The following CCRL2 variants were observed in gnomAD, a reference collection of about 807,000 sequenced individuals.
CCRL2 encodes the protein C-C motif chemokine receptor like 2.
For synonymous variants in CCRL2, 181 were observed against 165.6 expected (o/e 1.09, Z -0.71); for missense variants, 451 against 412.4 (o/e 1.09, Z -0.81).
rs1386310404 is a variant in CCRL2, at chr3:46,407,272, A to T, written c.-243A>T. On this transcript the variant is annotated 5_prime_UTR_variant, in exon 1 of 2. Transcript: ENST00000399036. The stretch of plus-strand genomic sequence containing the variant: ...CCGGTTGCTTTCAGACGCTTCAGAG[A>T]TCCTCTGGAGGCCTGGGGGAGCTTT... 5.2e-6 allele frequency: 1 copy of T among 193,488 alleles called. No homozygotes were observed. Among genetic ancestry groups the T allele is most frequent in the African/African-American group, 2.4e-5 (1 of 42,248 alleles). The allele number at this position is 193,488 out of a possible 1,614,324, so 12.0% of individuals were successfully genotyped here.
At position 46,407,433 on chromosome 3, in the gene CCRL2, G is replaced by T; in HGVS notation, c.-82G>T. The T allele has an allele frequency of 1.8e-6, 1 of 550,782 alleles. No individual in the cohort carries two copies. The allele number at this position is 550,782 out of a possible 1,614,324, so 34.1% of individuals were successfully genotyped here. ...AAAAGGAGGGCATCCACTGTCCGGG[G>T]CCATTCCCACAGCTCCCGGATGCTG... On this transcript the variant is annotated 5_prime_UTR_variant, in exon 1 of 2. Transcript: ENST00000399036.
chr3:46,408,286 CA>C lies in CCRL2; in HGVS notation c.210del (p.Lys70AsnfsTer9), dbSNP rs1702079036. ...VLILVKYKGLKRVENIYLLNL... is the reference protein window; with the variant it reads ...VLILVKYKGLXRVENIYLLNL... ...TTATCCTGGTAAAATATAAAGGACT[CA>C]AACGCGTGGAAAATATCTATCTTCT... is the stretch of plus-strand genomic sequence containing the variant. On this transcript the variant is annotated frameshift_variant, in exon 2 of 2. Coordinates refer to ENST00000399036, the MANE Select transcript of CCRL2 (RefSeq NM_003965.5). LOFTEE classifies it low-confidence loss of function (END_TRUNC). 2 of 1,614,076 alleles carry C rather than the reference CA, an allele frequency of 1.2e-6. No homozygotes were observed. The highest frequency in any genetic ancestry group is 2.7e-5 in the African/African-American group (2 of 74,928).
Position 46,408,757 on chromosome 3 carries a change from A to G in CCRL2, c.678A>G (p.Thr226=), listed in dbSNP as rs746876062. Residue 226 remains threonine (T), a synonymous_variant, in exon 2 of 2, where the codon ACA becomes ACG. Transcript: ENST00000399036. Reference sequence around the variant, plus strand: ...TTCTCTATGTGCAAATGAGAAAAACACTAAGGTTCAGGGAGCAGAGGTATA... The same window carrying G: ...TTCTCTATGTGCAAATGAGAAAAACGCTAAGGTTCAGGGAGCAGAGGTATA... ...FTFLYVQMRK[T]LRFREQRYSL... 3 of 1,614,178 alleles carry G rather than the reference A, an allele frequency of 1.9e-6. No homozygotes were observed. In the South Asian group the frequency reaches 3.3e-5, roughly 18 times the overall value.
At chr3:46,407,595 C>A in intron 1 of CCRL2, 93 bp downstream of exon 1, 1 of 1,202,056 alleles carries the variant, frequency 8.3e-7, no homozygotes, top group Non-Finnish European at 1.2e-6. Context: ...TATTTATACC[C>A]TTCGAGAGAA....
intron 1 of CCRL2, chr3:46,407,742 T>C: frequency 1.4e-6 from 2 of 1,422,540 alleles, no homozygotes; most frequent in Non-Finnish European, 1.9e-6. Context: ...TTCTTACATA[T>C]TGTGTTCATG....
chr3:46,407,476 C>T lies in CCRL2; in HGVS notation c.-39C>T, dbSNP rs1702063203. The T allele has an allele frequency of 1.7e-6, 1 of 591,474 alleles. No individual in the cohort carries two copies. The highest frequency in any genetic ancestry group is 3.0e-6 in the Non-Finnish European group (1 of 335,000). 36.6% of individuals were successfully genotyped at this position (591,474 alleles called of 1,614,324 possible). A position where few individuals can be genotyped will look rare whatever the true frequency, so the allele number is the denominator to read the frequency against. ...GGATGCTGGGTCTGGAGGCTGCGCC[C>T]TTCCCCTGCAGGAGCTCAGCCCAGT... On this transcript the variant is annotated 5_prime_UTR_variant, in exon 1 of 2. Transcript: ENST00000399036.
In CCRL2 at chr3:46,408,966, A is replaced by C. The variant is rs368107862; in HGVS notation, c.887A>C (p.Asn296Thr). The C allele has an allele frequency of 6.2e-7, 1 of 1,613,952 alleles. No individual in the cohort carries two copies. Among genetic ancestry groups the C allele is most frequent in the Non-Finnish European group, 8.5e-7 (1 of 1,180,004 alleles). ...ATCGCCACCACCCACTGCTGCATCA[A>C]CCCTCTCCTGTATGCGTTTCTTGAT... is the stretch of plus-strand genomic sequence containing the variant. ...KLIATTHCCI[N>T]PLLYAFLDGT... Residue 296 changes from asparagine (N) to threonine (T), a missense_variant, in exon 2 of 2, where the codon AAC becomes ACC. Transcript: ENST00000399036.
chr3:46,408,030 G>C (rs769033684), intron 1 of CCRL2, 38 bp from the exon 2 acceptor site: 40 of 1,443,924 alleles, frequency 2.8e-5, no homozygotes, highest in Non-Finnish European at 3.3e-5. Context: ...GGATAAGGCA[G>C]CTGTCGGAGG....
chr3:46,407,402 C>G lies in CCRL2; in HGVS notation c.-113C>G, dbSNP rs929375239. The G allele has an allele frequency of 1.0e-5, 5 of 489,812 alleles. No individual in the cohort carries two copies. Among genetic ancestry groups the G allele is most frequent in the Non-Finnish European group, 7.1e-6 (2 of 282,548 alleles). 30.3% of individuals were successfully genotyped at this position (489,812 alleles called of 1,614,324 possible). ...CGTGCCCCTCAGGGTCAGGAGCAGT[C>G]TGATCAAAAGGAGGGCATCCACTGT... On this transcript the variant is annotated 5_prime_UTR_variant, in exon 1 of 2. Transcript: ENST00000399036.
rs778301112 is a variant in CCRL2, at chr3:46,408,232, C to T, written c.153C>T (p.Ile51=). ...VPSLCSAVFV[I]GVLDNLLVVL... ...CACTCTGCTCTGCTGTGTTTGTGAT[C>T]GGTGTCCTGGACAATCTCCTGGTTG... The change falls in exon 2 of 2, where the codon ATC becomes ATT. Residue 51 remains isoleucine, a synonymous_variant. Transcript: ENST00000399036. 16 of 1,614,182 alleles carry T rather than the reference C, an allele frequency of 9.9e-6. No individual in the cohort carries two copies. Among genetic ancestry groups the T allele is most frequent in the Admixed American group, 3.3e-5 (2 of 60,028 alleles).
Position 46,408,583 on chromosome 3 carries a change from G to C in CCRL2, c.504G>C (p.Val168=). The change falls in exon 2 of 2, where the codon GTG becomes GTC. Residue 168 remains valine (V), a synonymous_variant. Transcript: ENST00000399036. Reference sequence around the variant, plus strand: ...TTCTGGCCACTTTGCCTGAATTCGTGGTTTATAAACCTCAGATGGAAGACC... The same window carrying C: ...TTCTGGCCACTTTGCCTGAATTCGTCGTTTATAAACCTCAGATGGAAGACC... The part of the protein sequence containing the change: ...TAILATLPEF[V]VYKPQMEDQK... 1 of 1,614,066 alleles carries C rather than the reference G, an allele frequency of 6.2e-7. No homozygotes were observed. Among genetic ancestry groups the C allele is most frequent in the Non-Finnish European group, 8.5e-7 (1 of 1,179,950 alleles).
Position 46,409,133 on chromosome 3 carries a change from C to G in CCRL2, c.*19C>G, listed in dbSNP as rs754966984. ...AGTGTAAACTAGCATCCACCAAATG[C>G]AAGAAGAATAAACATGGATTTTCAT... On this transcript the variant is annotated 3_prime_UTR_variant, in exon 2 of 2. Coordinates refer to ENST00000399036, the MANE Select transcript of CCRL2 (RefSeq NM_003965.5). The G allele has an allele frequency of 6.4e-7, 1 of 1,561,292 alleles. No individual in the cohort carries two copies. The highest frequency in any genetic ancestry group is 1.4e-5 in the African/African-American group (1 of 73,410).
chr3:46,408,331 CTT>C lies in CCRL2; in HGVS notation c.253_254del (p.Leu85ValfsTer19), dbSNP rs763989715. ...ATCTTCTAAACTTGGCAGTTTCTAA[CTT>C]GTGTTTCTTGCTTACCCTGCCCTTC... is the stretch of plus-strand genomic sequence containing the variant. ...IYLLNLAVSN[L>X]CFLLTLPFWA... is the part of the protein sequence containing the mutation. On this transcript the variant is annotated frameshift_variant, in exon 2 of 2. Coordinates refer to ENST00000399036, the MANE Select transcript of CCRL2 (RefSeq NM_003965.5). LOFTEE classifies it low-confidence loss of function (END_TRUNC). 6.2e-7 allele frequency: 1 copy of C among 1,614,238 alleles called. No individual in the cohort carries two copies. The highest frequency in any genetic ancestry group is 1.1e-5 in the South Asian group (1 of 91,082).
chr3:46,407,654 T>G, intron 1 of CCRL2, 152 bp downstream of exon 1: 2 of 1,529,874 alleles, frequency 1.3e-6, no homozygotes, highest in Non-Finnish European at 1.8e-6. Flanking sequence ...GAGCAAACTT[T>G]TTAAAATGCA....
rs1055675985 is a variant in CCRL2, at chr3:46,407,450, C to T, written c.-65C>T. ...TGTCCGGGGCCATTCCCACAGCTCC[C>T]GGATGCTGGGTCTGGAGGCTGCGCC... On this transcript the variant is annotated 5_prime_UTR_variant, in exon 1 of 2. Transcript: ENST00000399036. 1.1e-5 allele frequency: 6 copies of T among 559,548 alleles called. No homozygotes were observed. Among genetic ancestry groups the T allele is most frequent in the African/African-American group, 4.0e-5 (2 of 50,094 alleles). 34.7% of individuals were successfully genotyped at this position (559,548 alleles called of 1,614,324 possible).
At position 46,409,052 on chromosome 3, in the gene CCRL2, C is replaced by A. The variant is rs780120671; in HGVS notation, c.973C>A (p.Pro325Thr). ...TCTGCGTAGTAACACCCCACTTCAACCCAGGGGGCAGTCTGCACAAGGCAC... is the reference window on the plus strand; with the variant it reads ...TCTGCGTAGTAACACCCCACTTCAAACCAGGGGGCAGTCTGCACAAGGCAC... ...FHLRSNTPLQ[P>T]RGQSAQGTSR... The change falls in exon 2 of 2, where the codon CCC becomes ACC. Residue 325 changes from proline (P) to threonine (T), a missense_variant. Physicochemically the swap from Pro to Thr is conservative, Grantham distance 38. Coordinates refer to ENST00000399036, the MANE Select transcript of CCRL2 (RefSeq NM_003965.5). The A allele has an allele frequency of 6.2e-7, 1 of 1,614,210 alleles. No homozygotes were observed.
In CCRL2 at chr3:46,409,077, C is replaced by T. The variant is rs748679444; in HGVS notation, c.998C>T (p.Thr333Ile). ...CCCAGGGGGCAGTCTGCACAAGGCA[C>T]ATCGAGGGAAGAACCTGACCATTCC... ...LQPRGQSAQG[T>I]SREEPDHSTE... Residue 333 changes from threonine (T) to isoleucine (I), a missense_variant, in exon 2 of 2, where the codon ACA becomes ATA. Physicochemically the swap from Thr to Ile is moderately conservative, Grantham distance 89. Coordinates refer to ENST00000399036, the MANE Select transcript of CCRL2 (RefSeq NM_003965.5). The T allele has an allele frequency of 1.2e-6, 2 of 1,613,760 alleles. No individual in the cohort carries two copies. The highest frequency in any genetic ancestry group is 1.7e-6 in the Non-Finnish European group (2 of 1,179,804).
chr3:46,407,944 T>C, intron 1 of CCRL2, 124 bp from the exon 2 acceptor site: 1 of 753,716 alleles, frequency 1.3e-6, no homozygotes, highest in Non-Finnish European at 2.1e-6. Context: ...AATAGGGAAT[T>C]ACTCTGGCTA....
rs1702092342 is a variant in CCRL2 at position 46,408,702 on chromosome 3, T to C, written c.623T>C (p.Val208Ala). The C allele has an allele frequency of 6.2e-7, 1 of 1,614,236 alleles. No individual in the cohort carries two copies. The highest frequency in any genetic ancestry group is 8.5e-7 in the Non-Finnish European group (1 of 1,180,038). The change falls in exon 2 of 2, where the codon GTT (valine) becomes GCT (alanine). Residue 208 changes from valine (V) to alanine (A), a missense_variant. Coordinates refer to ENST00000399036, the MANE Select transcript of CCRL2 (RefSeq NM_003965.5). ...CTGACTTTAAAAATGAACATTTCGGTTCTTGTCCTCCCCCTATTTATTTTT... is the reference window on the plus strand; with the variant it reads ...CTGACTTTAAAAATGAACATTTCGGCTCTTGTCCTCCCCCTATTTATTTTT... ...HFLTLKMNIS[V>A]LVLPLFIFTF...
Sources: gnomAD v4.1 joint callset for allele counts on GRCh38, gnomAD v4.1.1 for gene constraint, MANE v1.5 for transcripts, NCBI Gene and HGNC (gene_info 2026-07-23, HGNC 2026-07-21) for gene names.